The following FBXO4 variants were observed in gnomAD, a reference collection of about 807,000 sequenced individuals.
FBXO4 encodes the protein F-box protein 4, also known as F-box only protein 4.
FBXO4 carries 36 observed loss-of-function variants against 43.7 expected under a neutral mutation model. That is an observed-to-expected ratio of 0.82 (90% CI 0.63 to 1.09). The LOEUF (loss-of-function observed/expected upper bound fraction) is 1.09, where lower values mean the gene tolerates loss of function less well. FBXO4 is among the 50% of genes least tolerant of loss of function. FBXO4 has a pLI of 0.00. For synonymous variants in FBXO4, 180 were observed against 165.6 expected (o/e 1.09, Z -0.67); for missense variants, 435 against 474.1 (o/e 0.92, Z 0.77).
chr5:41,998,957 A>G, the FBXO4 span, among the ~76,000 whole-genome samples: 1 of 151,854 alleles, frequency 6.6e-6, no homozygotes, highest in Non-Finnish European at 1.5e-5. Flanking sequence ...TTCTTTCATC[A>G]CTTTCTCCAC....
At chr5:42,032,057 C>CTGTGTGTGTGTGTGTG in the FBXO4 span, among the ~76,000 whole-genome samples, 3 of 139,324 alleles carry the variant, frequency 2.2e-5, no homozygotes, top group African/African-American at 8.0e-5. Flanking sequence ...GTCTTTTTTT[C>CTGTGTGTGTGTGTGTG]TGTGTGTGTG....
the FBXO4 span, among the ~76,000 whole-genome samples, chr5:42,029,900 G>C: frequency 7.9e-5 from 12 of 151,860 alleles, no homozygotes; most frequent in African/African-American, 2.2e-4. Context: ...CCTCAACACA[G>C]ATATTTCTAA....
At chr5:42,030,286 C>A in the FBXO4 span, among the ~76,000 whole-genome samples, 1 of 152,048 alleles carries the variant, frequency 6.6e-6, no homozygotes, top group African/African-American at 2.4e-5. Flanking sequence ...AGAACAGAGC[C>A]CTCAGAAATA....
downstream of FBXO4, among the ~76,000 whole-genome samples, chr5:41,945,249 C>G (rs1752061457): frequency 6.6e-6 from 1 of 152,102 alleles, no homozygotes; most frequent in African/African-American, 2.4e-5. Context: ...ATTGTTTATT[C>G]TATTTTGTTC....
the FBXO4 span, among the ~76,000 whole-genome samples, chr5:41,979,248 G>A: frequency 6.6e-6 from 1 of 152,158 alleles, no homozygotes; most frequent in African/African-American, 2.4e-5. Flanking sequence ...TTGGATTAAA[G>A]TCTTCAGTCA....
intron 6 of FBXO4, 32 bp from the exon 7 acceptor site, chr5:41,941,160 T>C (rs1374940144): frequency 6.3e-7 from 1 of 1,578,312 alleles, no homozygotes; most frequent in South Asian, 1.1e-5. Flanking sequence ...CTTAGTTTCT[T>C]ACTAACAACA....
the FBXO4 span, among the ~76,000 whole-genome samples, chr5:41,974,488 TGTCAATCTATTTTTA>T: frequency 6.6e-6 from 1 of 152,218 alleles, no homozygotes; most frequent in Non-Finnish European, 1.5e-5. Flanking sequence ...GAGTAATATC[TGTCAATCTATTTTTA>T]AGTTTACTAA....
the FBXO4 span, among the ~76,000 whole-genome samples, chr5:42,013,534 C>T: frequency 6.6e-6 from 1 of 152,158 alleles, no homozygotes; most frequent in Admixed American, 6.5e-5. Flanking sequence ...TTGAATTCCA[C>T]GTTTAGTCAG....
chr5:42,003,417 G>A, the FBXO4 span, among the ~76,000 whole-genome samples: 2 of 152,286 alleles, frequency 1.3e-5, no homozygotes, highest in South Asian at 4.1e-4. Context: ...TTCAGAAGAG[G>A]AATTGAATGT....
chr5:41,947,344 A>G, the FBXO4 span, among the ~76,000 whole-genome samples: 1 of 152,268 alleles, frequency 6.6e-6, no homozygotes, highest in Non-Finnish European at 1.5e-5. Context: ...AAAATGAGGC[A>G]TAGAACAGCT....
At chr5:41,999,459 GTGTGTGTA>G in the FBXO4 span, among the ~76,000 whole-genome samples, 1 of 66,364 alleles carries the variant, frequency 1.5e-5, no homozygotes, top group Non-Finnish European at 2.8e-5. Context: ...GTGTGTGTGT[GTGTGTGTA>G]TATATATATA....
intron 3 of FBXO4, among the ~76,000 whole-genome samples, chr5:41,933,009 A>G (rs1163893676): frequency 6.6e-6 from 1 of 152,230 alleles, no homozygotes; most frequent in Non-Finnish European, 1.5e-5. Context: ...TCACCCTACT[A>G]GGAGTTTTAC....
chr5:42,031,661 G>A, the FBXO4 span, among the ~76,000 whole-genome samples: 1 of 151,992 alleles, frequency 6.6e-6, no homozygotes, highest in Admixed American at 6.6e-5. Context: ...TCACATATCT[G>A]TGTTTCTCCA....
chr5:42,021,385 G>A, the FBXO4 span, among the ~76,000 whole-genome samples: 1 of 152,062 alleles, frequency 6.6e-6, no homozygotes, highest in African/African-American at 2.4e-5. Flanking sequence ...ATGACTCCTA[G>A]GTCTTGATTT....
the FBXO4 span, among the ~76,000 whole-genome samples, chr5:42,010,100 G>A: frequency 1.4e-4 from 22 of 152,234 alleles, no homozygotes; most frequent in African/African-American, 5.1e-4. Flanking sequence ...CCTTGATTAG[G>A]TACATTAGGT....
chr5:41,999,543 A>ATATG, the FBXO4 span, among the ~76,000 whole-genome samples: 1 of 107,582 alleles, frequency 9.3e-6, no homozygotes, highest in African/African-American at 4.8e-5. Flanking sequence ...ATACATATAT[A>ATATG]TGTATATATA....
the FBXO4 span, among the ~76,000 whole-genome samples, chr5:41,985,488 A>T: frequency 6.6e-6 from 1 of 152,208 alleles, no homozygotes; most frequent in African/African-American, 2.4e-5. Context: ...AATCTTTATA[A>T]TTACTAAGGG....
At chr5:41,967,477 C>G in the FBXO4 span, 178 of 637,128 alleles carry the variant, frequency 2.8e-4, no homozygotes, top group African/African-American at 2.9e-3. Flanking sequence ...TCCTCAACTG[C>G]TCTTTGGGGG....
downstream of FBXO4, among the ~76,000 whole-genome samples, chr5:41,942,711 T>C (rs1195747042): frequency 6.6e-6 from 1 of 152,132 alleles, no homozygotes; most frequent in Non-Finnish European, 1.5e-5. Flanking sequence ...CTCATTTTTG[T>C]ATGGTCTTTT....
Sources: gnomAD v4.1 joint callset for allele counts (sites outside exome capture counted in the v4.1 genomes callset) on GRCh38, gnomAD v4.1.1 for gene constraint, MANE v1.5 for transcripts, NCBI Gene and HGNC (gene_info 2026-07-23, HGNC 2026-07-21) for gene names.